KCNQ1OT1: variants seen among roughly 807,000 people sequenced by gnomAD.
KCNQ1OT1 encodes the protein KCNQ1 antisense RNA 2 (non-protein coding).
At chr11:2,655,150 G>T in exon 1 of KCNQ1OT1, 1 of 398,634 alleles carries the variant, frequency 2.5e-6, no homozygotes, top group Non-Finnish European at 4.4e-6. Context: ...AGGATGCTGT[G>T]CTGAGTTTGA....
Position 2,627,139 on chromosome 11 carries a change from T to A in KCNQ1OT1, n.72856A>T. On this transcript the variant is annotated non_coding_transcript_exon_variant, in exon 1 of 1. Transcript: ENST00000597346. The surrounding 1 kb of genome is among the most constrained non-coding windows in gnomAD (Gnocchi z 4.9). ...TCATTGTACAAGACTTTCACCTCCT[T>A]GGTAAAGTTGGTTCCTAAGTTTGTT... 2 of 398,572 alleles carry A rather than the reference T, an allele frequency of 5.0e-6. No individual in the cohort carries two copies. The allele number at this position is 398,572 out of a possible 1,614,324, so 24.7% of individuals were successfully genotyped here.
At chr11:2,616,963 GTT>G (rs35383069) in exon 1 of KCNQ1OT1, 36 of 377,140 alleles carry the variant, frequency 9.5e-5, no homozygotes, top group South Asian at 4.0e-4. Context: ...ATCTTGTTGT[GTT>G]TTTTTTTTTT....
chr11:2,666,999 CA>C (rs1248055956), exon 1 of KCNQ1OT1: 2 of 398,604 alleles, frequency 5.0e-6, no homozygotes, highest in African/African-American at 4.1e-5. Context: ...TACAGGGCTG[CA>C]TGAGTCATAG....
chr11:2,618,433 T>C (rs1179434298), exon 1 of KCNQ1OT1: 2 of 398,612 alleles, frequency 5.0e-6, no homozygotes, highest in Non-Finnish European at 8.8e-6. Context: ...AGAACTGGGT[T>C]TCCTAACGTC....
chr11:2,669,951 G>C lies in KCNQ1OT1; in HGVS notation n.30044C>G. 1 of 398,712 alleles carries C rather than the reference G, an allele frequency of 2.5e-6. No individual in the cohort carries two copies. Among genetic ancestry groups the C allele is most frequent in the Non-Finnish European group, 4.4e-6 (1 of 226,152 alleles). 24.7% of individuals were successfully genotyped at this position (398,712 alleles called of 1,614,324 possible). ...ACAGTCTGGAGTCAGGTGGAGGGAA[G>C]GGAAGTCTAGAGGTCCCCAAGTCAC... is the stretch of plus-strand genomic sequence containing the variant. On this transcript the variant is annotated non_coding_transcript_exon_variant, in exon 1 of 1. Coordinates refer to ENST00000597346, the Ensembl canonical transcript of KCNQ1OT1. This position sits in a 1 kb window ranked among gnomAD's most constrained non-coding sequence, Gnocchi z 5.6.
chr11:2,668,266 A>G lies in KCNQ1OT1; in HGVS notation n.31729T>C, dbSNP rs1850119120. ...TTCTGGTGTAGGTTGCTGTTTAAGA[A>G]TATTCTGTACATGCTTTTGGTGAGC... On this transcript the variant is annotated non_coding_transcript_exon_variant, in exon 1 of 1. Transcript: ENST00000597346. This position sits in a 1 kb window ranked among gnomAD's most constrained non-coding sequence, Gnocchi z 4.3. 2.5e-6 allele frequency: 1 copy of G among 398,610 alleles called. No individual in the cohort carries two copies. Among genetic ancestry groups the G allele is most frequent in the Non-Finnish European group, 4.4e-6 (1 of 226,102 alleles). The allele number at this position is 398,610 out of a possible 1,614,324, so 24.7% of individuals were successfully genotyped here. A position where few individuals can be genotyped will look rare whatever the true frequency, so the allele number is the denominator to read the frequency against.
rs929714843 is a variant in KCNQ1OT1 at position 2,611,680 on chromosome 11, T to C, written n.88315A>G. 1.8e-5 allele frequency: 7 copies of C among 398,506 alleles called. No individual in the cohort carries two copies. In the South Asian group the frequency reaches 7.6e-4, roughly 43 times the overall value. The allele number at this position is 398,506 out of a possible 1,614,324, so 24.7% of individuals were successfully genotyped here. On this transcript the variant is annotated non_coding_transcript_exon_variant, in exon 1 of 1. Transcript: ENST00000597346. This position sits in a 1 kb window ranked among gnomAD's most constrained non-coding sequence, Gnocchi z 5.3. ...AGGCAGTCTGGCAATCTCTGCTCTT[T>C]ATTGAGTTTTTAATTCACTTATATG... is the stretch of plus-strand genomic sequence containing the variant.
Position 2,667,543 on chromosome 11 carries a change from T to C in KCNQ1OT1, n.32452A>G, listed in dbSNP as rs779295054. 1.0e-3 allele frequency: 401 copies of C among 396,334 alleles called. No individual in the cohort carries two copies. The highest frequency in any genetic ancestry group is 1.5e-3 in the Non-Finnish European group (340 of 225,692). The allele number at this position is 396,334 out of a possible 1,614,324, so 24.6% of individuals were successfully genotyped here. A position where few individuals can be genotyped will look rare whatever the true frequency, so the allele number is the denominator to read the frequency against. On this transcript the variant is annotated non_coding_transcript_exon_variant, in exon 1 of 1. Transcript: ENST00000597346. ...AAAGGACTTCACAACTGCACTGATA[T>C]TGTCATGGAGACACTTCTGGCAGTT... is the stretch of plus-strand genomic sequence containing the variant.
chr11:2,633,161 G>A (rs867015520), exon 1 of KCNQ1OT1: 3 of 398,350 alleles, frequency 7.5e-6, no homozygotes, highest in African/African-American at 6.2e-5. Context: ...TTTCTGTGAT[G>A]AGAGATGTTG....
At position 2,670,345 on chromosome 11, in the gene KCNQ1OT1, G is replaced by T; in HGVS notation, n.29650C>A. On this transcript the variant is annotated non_coding_transcript_exon_variant, in exon 1 of 1. Transcript: ENST00000597346. The surrounding 1 kb of genome is among the most constrained non-coding windows in gnomAD (Gnocchi z 4.9). ...ATGGTAGCAGAGTTCAGACTCAGTGGCTTTCAGATGGTTAGTATAGGCTGA... is the reference window on the plus strand; with the variant it reads ...ATGGTAGCAGAGTTCAGACTCAGTGTCTTTCAGATGGTTAGTATAGGCTGA... 2 of 398,566 alleles carry T rather than the reference G, an allele frequency of 5.0e-6. No individual in the cohort carries two copies. The allele number at this position is 398,566 out of a possible 1,614,324, so 24.7% of individuals were successfully genotyped here.
chr11:2,658,245 C>T lies in KCNQ1OT1; in HGVS notation n.41750G>A. On this transcript the variant is annotated non_coding_transcript_exon_variant, in exon 1 of 1. Transcript: ENST00000597346. The surrounding 1 kb of genome is among the most constrained non-coding windows in gnomAD (Gnocchi z 4.9). ...GATCGTTTTCCTGCAGCAAATATTA[C>T]CGTGATGTACTTCTATTTTCCTCAT... 2 of 398,590 alleles carry T rather than the reference C, an allele frequency of 5.0e-6. No individual in the cohort carries two copies. Among genetic ancestry groups the T allele is most frequent in the Non-Finnish European group, 4.4e-6 (1 of 226,050 alleles). The allele number at this position is 398,590 out of a possible 1,614,324, so 24.7% of individuals were successfully genotyped here.
exon 1 of KCNQ1OT1, chr11:2,666,534 C>T (rs368459866): frequency 5.0e-6 from 2 of 398,584 alleles, no homozygotes; most frequent in Admixed American, 4.4e-5. Context: ...TCATCCACAT[C>T]ACTACTAATG....
chr11:2,664,105 C>G lies in KCNQ1OT1; in HGVS notation n.35890G>C. On this transcript the variant is annotated non_coding_transcript_exon_variant, in exon 1 of 1. Transcript: ENST00000597346. The surrounding 1 kb of genome is among the most constrained non-coding windows in gnomAD (Gnocchi z 5.1). ...GCAGGTCAGAGACTCCAGTCATTAC[C>G]CAACCAGGTCCCTGCCCTGTAACTT... 2.5e-6 allele frequency: 1 copy of G among 398,688 alleles called. No homozygotes were observed. Among genetic ancestry groups the G allele is most frequent in the Non-Finnish European group, 4.4e-6 (1 of 226,128 alleles). The allele number at this position is 398,688 out of a possible 1,614,324, so 24.7% of individuals were successfully genotyped here. A position where few individuals can be genotyped will look rare whatever the true frequency, so the allele number is the denominator to read the frequency against.
chr11:2,687,618 C>G lies in KCNQ1OT1; in HGVS notation n.12377G>C, dbSNP rs566327231. ...AAAGGAAGGGGCAGAGATCCCTTCT[C>G]CATTCCTCTCAGGCCCCTGTAAAAA... On this transcript the variant is annotated non_coding_transcript_exon_variant, in exon 1 of 1. Transcript: ENST00000597346. This position sits in a 1 kb window ranked among gnomAD's most constrained non-coding sequence, Gnocchi z 5.0. 2.5e-6 allele frequency: 1 copy of G among 398,770 alleles called. No homozygotes were observed. Among genetic ancestry groups the G allele is most frequent in the East Asian group, 3.6e-5 (1 of 28,078 alleles). The allele number at this position is 398,770 out of a possible 1,614,324, so 24.7% of individuals were successfully genotyped here.
rs1335413360 is a variant in KCNQ1OT1, at chr11:2,626,297, CTTGAG to C, written n.73693_73697del. On this transcript the variant is annotated non_coding_transcript_exon_variant, in exon 1 of 1. Coordinates refer to ENST00000597346, the Ensembl canonical transcript of KCNQ1OT1. The surrounding 1 kb of genome is among the most constrained non-coding windows in gnomAD (Gnocchi z 4.0). The stretch of plus-strand genomic sequence containing the variant: ...TAGGTAAGGATCTCAACTTCATTCT[CTTGAG>C]TTAATTTTTGTGTATGGTATTAGGT... 6 of 398,290 alleles carry C rather than the reference CTTGAG, an allele frequency of 1.5e-5. No individual in the cohort carries two copies. Among genetic ancestry groups the C allele is most frequent in the Admixed American group, 8.8e-5 (2 of 22,692 alleles). 24.7% of individuals were successfully genotyped at this position (398,290 alleles called of 1,614,324 possible).
At chr11:2,609,733 T>C (rs1848947467) in exon 1 of KCNQ1OT1, 2 of 398,372 alleles carry the variant, frequency 5.0e-6, no homozygotes, top group Non-Finnish European at 8.9e-6. Flanking sequence ...TTATAATCAT[T>C]GTATCTTCTC....
In KCNQ1OT1 at chr11:2,653,958, T is replaced by C; in HGVS notation, n.46037A>G. On this transcript the variant is annotated non_coding_transcript_exon_variant, in exon 1 of 1. Coordinates refer to ENST00000597346, the Ensembl canonical transcript of KCNQ1OT1. This position sits in a 1 kb window ranked among gnomAD's most constrained non-coding sequence, Gnocchi z 5.3. ...TGCTGGCAGGCAAAAACAACAGGTG[T>C]CCACTCAAGCAAGGTATTTTCCTAA... The C allele has an allele frequency of 7.5e-6, 3 of 398,614 alleles. No individual in the cohort carries two copies. Among genetic ancestry groups the C allele is most frequent in the Non-Finnish European group, 1.3e-5 (3 of 226,060 alleles). 24.7% of individuals were successfully genotyped at this position (398,614 alleles called of 1,614,324 possible).
At chr11:2,675,996 T>A in exon 1 of KCNQ1OT1, 1 of 398,672 alleles carries the variant, frequency 2.5e-6, no homozygotes, top group Non-Finnish European at 4.4e-6. Flanking sequence ...CACCCAACCC[T>A]AATTCCCAAG....
chr11:2,615,016 A>G (rs917828899), exon 1 of KCNQ1OT1: 10 of 398,262 alleles, frequency 2.5e-5, no homozygotes, highest in African/African-American at 4.1e-5. Flanking sequence ...TAATCTTCCA[A>G]TCTGTGAACA....
Sources: allele counts gnomAD v4.1 joint callset, GRCh38; gene constraint gnomAD v4.1.1; non-coding constraint Gnocchi (gnomAD v3.1); transcripts MANE v1.5; gene names NCBI Gene and HGNC (gene_info 2026-07-23, HGNC 2026-07-21).